SIPA1L1: variants seen among roughly 807,000 people sequenced by gnomAD.
SIPA1L1 encodes the protein signal induced proliferation associated 1 like 1.
SIPA1L1 carries 26 observed loss-of-function variants against 162.7 expected under a neutral mutation model. The ratio of observed to expected loss-of-function variants is 0.16; its 90% confidence interval spans 0.12 to 0.22. The LOEUF is 0.22. Among genes scored for constraint, SIPA1L1 ranks in the 10% least tolerant of loss-of-function variants. SIPA1L1 has a pLI of 1.00. For synonymous variants in SIPA1L1, 829 were observed against 837.4 expected, an observed-to-expected ratio of 0.99 and a Z score of 0.17; for missense variants, 1,874 against 2,241.0, an observed-to-expected ratio of 0.84 and a Z score of 3.31.
chr14:71,698,972 C>T lies in SIPA1L1; in HGVS notation c.3375-9C>T. 1 of 1,614,004 alleles carries T rather than the reference C, an allele frequency of 6.2e-7. No individual in the cohort carries two copies. The highest frequency in any genetic ancestry group is 8.5e-7 in the Non-Finnish European group (1 of 1,179,896). ...TTGTTGACTTCATGTTTTTGTATTGCACATGCAGGCTGTCTCCTGGTTCGG... is the reference window on the plus strand; with the variant it reads ...TTGTTGACTTCATGTTTTTGTATTGTACATGCAGGCTGTCTCCTGGTTCGG... On this transcript the variant is annotated splice_polypyrimidine_tract_variant and intron_variant, in intron 13 of 23. Coordinates refer to ENST00000381232, the MANE Select transcript of SIPA1L1 (RefSeq NM_001386936.1).
intron 5 of SIPA1L1, among the ~76,000 whole-genome samples, chr14:71,592,246 A>G (rs2035496151): frequency 2.0e-5 from 3 of 152,216 alleles, no homozygotes; most frequent in Admixed American, 1.3e-4. Flanking sequence ...CAGACAGGCA[A>G]TTTGTTACAG....
intron 5 of SIPA1L1, among the ~76,000 whole-genome samples, chr14:71,609,973 G>A (rs1412110009): frequency 6.6e-6 from 1 of 151,496 alleles, no homozygotes; most frequent in Non-Finnish European, 1.5e-5. Context: ...TTGCAGAAGT[G>A]TTAAAATTTT....
At chr14:71,633,203 C>T (rs1413384762) in intron 7 of SIPA1L1, among the ~76,000 whole-genome samples, 1 of 152,008 alleles carries the variant, frequency 6.6e-6, no homozygotes, top group African/African-American at 2.4e-5. Flanking sequence ...ACTCTGTCGC[C>T]AGGCTGCAGT....
At chr14:71,523,753 A>T (rs891067102) in intron 3 of SIPA1L1, among the ~76,000 whole-genome samples, 4 of 152,168 alleles carry the variant, frequency 2.6e-5, no homozygotes, top group Non-Finnish European at 4.4e-5. Context: ...CTACACATTC[A>T]GTTATTTATT....
At chr14:71,548,762 G>A (rs971291246) in intron 4 of SIPA1L1, among the ~76,000 whole-genome samples, 4 of 151,740 alleles carry the variant, frequency 2.6e-5, no homozygotes, top group African/African-American at 7.3e-5. Context: ...CTGAGCGCAG[G>A]TGGCACACGA....
intron 2 of SIPA1L1, among the ~76,000 whole-genome samples, chr14:71,371,740 T>A (rs2038910174): frequency 6.6e-6 from 1 of 152,186 alleles, no homozygotes; most frequent in Admixed American, 6.5e-5. Flanking sequence ...TATTATTTTA[T>A]TATAGGCATA....
intron 2 of SIPA1L1, among the ~76,000 whole-genome samples, chr14:71,412,499 T>A (rs1264384073): frequency 6.6e-6 from 1 of 152,178 alleles, no homozygotes; most frequent in East Asian, 1.9e-4. Flanking sequence ...TTGCGGGGTC[T>A]TACCGAGCTC....
intron 16 of SIPA1L1, 26 bp downstream of exon 16, chr14:71,705,366 G>A (rs1288480582): frequency 6.7e-7 from 1 of 1,497,210 alleles, no homozygotes; most frequent in Non-Finnish European, 9.3e-7. Context: ...ACTTAAAAAA[G>A]TATTAGATTC....
intron 9 of SIPA1L1, 123 bp from the exon 10 acceptor site, chr14:71,661,187 A>G: frequency 1.1e-6 from 1 of 945,688 alleles, no homozygotes; most frequent in Non-Finnish European, 1.6e-6. Context: ...ACCTGTGTAG[A>G]TTACCTACCT....
chr14:71,683,356 T>C (rs1021312189), intron 12 of SIPA1L1, among the ~76,000 whole-genome samples: 1 of 152,186 alleles, frequency 6.6e-6, no homozygotes, highest in Admixed American at 6.5e-5. Context: ...GTGATGTTCT[T>C]TGAGTTTACA....
chr14:71,474,584 A>G (rs557624252), intron 2 of SIPA1L1, among the ~76,000 whole-genome samples: 51 of 152,320 alleles, frequency 3.3e-4, no homozygotes, highest in African/African-American at 1.2e-3. Flanking sequence ...TAGAATGGGA[A>G]TTATTTAGTT....
Position 71,435,696 on chromosome 14 carries a change from T to C in SIPA1L1, c.-464-77047T>C, listed in dbSNP as rs534951221. Among the ~76,000 whole-genome samples the C allele has an allele frequency of 2.0e-5, 3 of 152,352 alleles. No homozygotes were observed. The East Asian group carries it at 5.8e-4, about 29-fold the overall frequency. ...AGTCCTTTGGGTATATACCCAGTAA[T>C]GGGATGGCTGGGTCAAATGGTATTT... On this transcript the variant is annotated intron_variant, in intron 2 of 23. Coordinates refer to ENST00000381232, the MANE Select transcript of SIPA1L1 (RefSeq NM_001386936.1).
chr14:71,495,424 T>C (rs1428963057), intron 2 of SIPA1L1, among the ~76,000 whole-genome samples: 1 of 151,166 alleles, frequency 6.6e-6, no homozygotes, highest in African/African-American at 2.4e-5. Flanking sequence ...ATATTTTCTT[T>C]TATATATTTA....
chr14:71,538,942 T>A (rs1339711311), intron 4 of SIPA1L1, among the ~76,000 whole-genome samples: 1 of 152,220 alleles, frequency 6.6e-6, no homozygotes, highest in Non-Finnish European at 1.5e-5. Flanking sequence ...TGCACATCAT[T>A]AACTGCAGTC....
intron 2 of SIPA1L1, among the ~76,000 whole-genome samples, chr14:71,334,768 T>C (rs1299821213): frequency 6.6e-6 from 1 of 152,230 alleles, no homozygotes; most frequent in Non-Finnish European, 1.5e-5. Flanking sequence ...TTATATATTC[T>C]AGTTTTTTTG....
At chr14:71,703,326 A>G (rs2082222054) in intron 15 of SIPA1L1, among the ~76,000 whole-genome samples, 1 of 152,224 alleles carries the variant, frequency 6.6e-6, no homozygotes. Flanking sequence ...CTTATAAGAC[A>G]AGACCCATCT....
intron 2 of SIPA1L1, among the ~76,000 whole-genome samples, chr14:71,444,471 A>G (rs1392993257): frequency 6.6e-6 from 1 of 152,146 alleles, no homozygotes; most frequent in Non-Finnish European, 1.5e-5. Context: ...AGACTCTCCT[A>G]ATTCATGGTT....
At chr14:71,594,064 T>C (rs80225334) in intron 5 of SIPA1L1, among the ~76,000 whole-genome samples, 1,913 of 152,272 alleles carry the variant, frequency 0.013, 23 homozygotes, top group Middle Eastern at 0.02. Context: ...TCACCTTCCT[T>C]CTCCTCCTCC....
intron 5 of SIPA1L1, among the ~76,000 whole-genome samples, chr14:71,614,098 G>A (rs1440357729): frequency 6.6e-6 from 1 of 152,080 alleles, no homozygotes; most frequent in Non-Finnish European, 1.5e-5. Context: ...TACTCAGGAG[G>A]CTGAGGCAGG....
Sources: allele counts gnomAD v4.1 joint callset (sites outside exome capture counted in the v4.1 genomes callset), GRCh38; gene constraint gnomAD v4.1.1; transcripts MANE v1.5; gene names NCBI Gene and HGNC (gene_info 2026-07-23, HGNC 2026-07-21).